The following IQSEC1 variants were observed in gnomAD, a reference collection of about 807,000 sequenced individuals.
IQSEC1 encodes IQ motif and SEC7 domain-containing protein 1.
In IQSEC1, 31 loss-of-function variants were observed where a neutral mutation model predicts 91.0. That is an observed-to-expected ratio of 0.34 (90% CI 0.26 to 0.46). The LOEUF (loss-of-function observed/expected upper bound fraction) is 0.46, where lower values mean the gene tolerates loss of function less well. IQSEC1 is among the 20% of genes least tolerant of loss of function. IQSEC1 has a pLI of 1.00. For synonymous variants in IQSEC1, 699 were observed against 662.6 expected (o/e 1.05, Z -0.84); for missense variants, 1,388 against 1,575.6 (o/e 0.88, Z 2.02).
intron 2 of IQSEC1, among the ~76,000 whole-genome samples, chr3:13,159,293 G>A (rs1707129157): frequency 6.6e-6 from 1 of 152,120 alleles, no homozygotes. Flanking sequence ...GCTGGGCCTG[G>A]TGGCAGACAC....
chr3:13,072,837 G>C (rs1025438286), intron 1 of IQSEC1, among the ~76,000 whole-genome samples, 155 bp downstream of exon 1: 1 of 152,186 alleles, frequency 6.6e-6, no homozygotes. Flanking sequence ...TGCAGGGGCC[G>C]AGCGCCGGCA....
At chr3:13,201,415 C>T (rs1041795533) in intron 1 of IQSEC1, among the ~76,000 whole-genome samples, 17 of 152,214 alleles carry the variant, frequency 1.1e-4, no homozygotes, top group African/African-American at 3.9e-4. Flanking sequence ...ACTGCAGCCT[C>T]GAACTCCTGG....
intron 1 of IQSEC1, among the ~76,000 whole-genome samples, chr3:13,264,155 C>T (rs1351324116): frequency 6.6e-6 from 1 of 152,250 alleles, no homozygotes. Flanking sequence ...GTCCCCTTCC[C>T]TGGAGTGGCT....
At position 13,062,063 on chromosome 3, in the gene IQSEC1, T is replaced by C. The variant is rs570260563; in HGVS notation, c.23+10929A>G. Among the ~76,000 whole-genome samples the C allele has an allele frequency of 2.5e-3, 380 of 152,298 alleles. 1 individual carries two copies. The highest frequency in any genetic ancestry group is 8.8e-3 in the African/African-American group (364 of 41,546). On this transcript the variant is annotated intron_variant, in intron 1 of 13. Coordinates refer to ENST00000613206, the MANE Select transcript of IQSEC1 (RefSeq NM_001134382.3). ...TGAACAGGACATGGCCACAGGAGCA[T>C]TGGAGCCCCTGGAGCCAGCCACACT...
At chr3:13,035,968 A>G (rs1704021294) in intron 1 of IQSEC1, among the ~76,000 whole-genome samples, 1 of 152,188 alleles carries the variant, frequency 6.6e-6, no homozygotes, top group African/African-American at 2.4e-5. Flanking sequence ...CTAAGGTCTC[A>G]GCTGTCAGCC....
intron 1 of IQSEC1, among the ~76,000 whole-genome samples, chr3:13,276,112 A>G: frequency 1.1e-5 from 1 of 90,772 alleles, no homozygotes; most frequent in Non-Finnish European, 2.1e-5. Context: ...TTTTTGAGAC[A>G]GAGTCTTGCT....
chr3:13,143,944 C>T (rs571988271), intron 2 of IQSEC1, among the ~76,000 whole-genome samples: 72 of 152,270 alleles, frequency 4.7e-4, no homozygotes, highest in Admixed American at 3.9e-3. Context: ...TTTCTGTCCC[C>T]GGTAGAGGGT....
At chr3:13,222,567 G>A (rs1694683229) in intron 1 of IQSEC1, among the ~76,000 whole-genome samples, 1 of 152,154 alleles carries the variant, frequency 6.6e-6, no homozygotes, top group African/African-American at 2.4e-5. Context: ...CACGGCGGCT[G>A]CACCACGTTA....
At position 13,011,741 on chromosome 3, in the gene IQSEC1, G is replaced by A. The variant is rs899774529; in HGVS notation, c.23+61251C>T. Reference sequence around the variant, plus strand: ...TTCACACCCCTGTTCTGTAGGCATCGGGTTTCAGATTTGCTGTATTTGCTT... The same window carrying A: ...TTCACACCCCTGTTCTGTAGGCATCAGGTTTCAGATTTGCTGTATTTGCTT... On this transcript the variant is annotated intron_variant, in intron 1 of 13. Coordinates refer to ENST00000613206, the MANE Select transcript of IQSEC1 (RefSeq NM_001134382.3). Among the ~76,000 whole-genome samples the A allele has an allele frequency of 7.9e-5, 12 of 152,224 alleles. No individual in the cohort carries two copies. The East Asian group carries it at 9.6e-4, about 12-fold the overall frequency.
chr3:13,015,424 C>G (rs531949220), intron 1 of IQSEC1, among the ~76,000 whole-genome samples: 5 of 152,256 alleles, frequency 3.3e-5, no homozygotes, highest in African/African-American at 4.8e-5. Flanking sequence ...CAGTGAGAAA[C>G]GGGTCACAGA....
At chr3:13,003,836 G>C (rs985639099) in intron 1 of IQSEC1, among the ~76,000 whole-genome samples, 1 of 152,184 alleles carries the variant, frequency 6.6e-6, no homozygotes, top group Non-Finnish European at 1.5e-5. Flanking sequence ...GAATGTCCTT[G>C]TTCTTAGTAA....
At chr3:12,915,175 C>G (rs571174728) in intron 7 of IQSEC1, 42 bp from the exon 8 acceptor site, 9 of 1,590,302 alleles carry the variant, frequency 5.7e-6, no homozygotes, top group Non-Finnish European at 5.1e-6. Flanking sequence ...GTTCATGTTT[C>G]AAAGCCACGC....
At chr3:13,150,050 T>C (rs1706968589) in intron 2 of IQSEC1, among the ~76,000 whole-genome samples, 1 of 152,174 alleles carries the variant, frequency 6.6e-6, no homozygotes, top group Admixed American at 6.5e-5. Flanking sequence ...CGACCTGCAG[T>C]GCCCTATTAC....
intron 1 of IQSEC1, among the ~76,000 whole-genome samples, chr3:12,946,212 C>T (rs1451514168): frequency 6.6e-6 from 1 of 152,228 alleles, no homozygotes; most frequent in Non-Finnish European, 1.5e-5. Context: ...ACCTCTTGAG[C>T]TCAGCTGCTG....
At chr3:13,126,142 A>C (rs1706509083) in intron 2 of IQSEC1, among the ~76,000 whole-genome samples, 1 of 151,584 alleles carries the variant, frequency 6.6e-6, no homozygotes, top group Non-Finnish European at 1.5e-5. Flanking sequence ...ATATATTTGC[A>C]CATGTGAAAC....
chr3:13,121,905 G>A (rs769691527), intron 2 of IQSEC1, among the ~76,000 whole-genome samples: 73 of 152,214 alleles, frequency 4.8e-4, no homozygotes, highest in Admixed American at 1.8e-3. Flanking sequence ...GCTCGGGGAC[G>A]GCCACGGCAG....
rs1271343134 is a variant in IQSEC1 at position 12,899,603 on chromosome 3, G to A, written c.*1380C>T. The A allele has an allele frequency of 1.1e-5, 11 of 985,272 alleles. No individual in the cohort carries two copies. The African/African-American group carries it at 1.2e-4, about 11-fold the overall frequency. The allele number at this position is 985,272 out of a possible 1,614,324, so 61.0% of individuals were successfully genotyped here. A position where few individuals can be genotyped will look rare whatever the true frequency, so the allele number is the denominator to read the frequency against. ...ATGGGAAGGCAGCGGGGGCTCCGCC[G>A]GGCACTCGTCGGCTGGGGTCACACG... On this transcript the variant is annotated 3_prime_UTR_variant, in exon 14 of 14. Transcript: ENST00000613206.
chr3:13,136,327 C>T (rs1335865683), intron 2 of IQSEC1, among the ~76,000 whole-genome samples: 3 of 152,240 alleles, frequency 2.0e-5, no homozygotes, highest in Non-Finnish European at 2.9e-5. Context: ...ACGGGAAAAC[C>T]TTAAAACCTC....
chr3:13,159,372 T>C (rs1049704916), intron 2 of IQSEC1, among the ~76,000 whole-genome samples: 2 of 152,084 alleles, frequency 1.3e-5, no homozygotes, highest in Non-Finnish European at 2.9e-5. Context: ...AAGGTTACAG[T>C]GAGCCGAGAT....
Sources: allele counts gnomAD v4.1 joint callset (sites outside exome capture counted in the v4.1 genomes callset), GRCh38; gene constraint gnomAD v4.1.1; transcripts MANE v1.5; gene names NCBI Gene and HGNC (gene_info 2026-07-23, HGNC 2026-07-21).